GRIK4: variants seen among roughly 807,000 people sequenced by gnomAD.
GRIK4 encodes glutamate receptor ionotropic, kainate 4.
A neutral mutation model predicts 104.9 loss-of-function variants in GRIK4; 40 were observed. That is an observed-to-expected ratio of 0.38 (90% CI 0.30 to 0.50). GRIK4 has a LOEUF of 0.50. Among genes scored for constraint, GRIK4 ranks in the 20% least tolerant of loss-of-function variants. The probability of loss-of-function intolerance (pLI) is 0.93; values close to 1 mark genes in which losing one functional copy is unlikely to be tolerated. For missense variants in GRIK4, 1,047 were observed against 1,308.1 expected, an observed-to-expected ratio of 0.80 and a Z score of 3.08; for synonymous variants, 485 against 524.9, an observed-to-expected ratio of 0.92 and a Z score of 1.04.
intron 3 of GRIK4, among the ~76,000 whole-genome samples, chr11:120,750,192 G>T (rs1295549118): frequency 6.6e-6 from 1 of 152,022 alleles, no homozygotes; most frequent in African/African-American, 2.4e-5. Context: ...GAAAGAGGGG[G>T]TGTTAAGCCT....
intron 3 of GRIK4, among the ~76,000 whole-genome samples, chr11:120,738,915 C>T (rs1184012813): frequency 6.6e-6 from 1 of 152,222 alleles, no homozygotes; most frequent in Non-Finnish European, 1.5e-5. Flanking sequence ...TTTGGAGACG[C>T]AGCCGGTAGG....
intron 5 of GRIK4, 77 bp downstream of exon 5, chr11:120,815,552 A>C: frequency 6.2e-6 from 5 of 806,276 alleles, no homozygotes; most frequent in Non-Finnish European, 7.7e-6. Flanking sequence ...GTTGATTCTC[A>C]AGGGCTGGAA....
chr11:120,820,061 G>A, intron 6 of GRIK4, 141 bp downstream of exon 6: 1 of 707,802 alleles, frequency 1.4e-6, no homozygotes, highest in South Asian at 1.7e-5. Flanking sequence ...ATGGGTTTGG[G>A]CATTCCCATG....
intron 3 of GRIK4, among the ~76,000 whole-genome samples, chr11:120,684,662 C>T (rs1202585144): frequency 2.0e-5 from 3 of 152,046 alleles, no homozygotes; most frequent in African/African-American, 7.2e-5. Context: ...TCAAGGAAAG[C>T]TTTTCTGTGC....
At chr11:120,858,977 G>A (rs943679021) in intron 8 of GRIK4, 1 of 152,162 alleles carries the variant, frequency 6.6e-6, no homozygotes. Context: ...AATTATCAAG[G>A]AAGCTTCTGG....
intron 7 of GRIK4, among the ~76,000 whole-genome samples, chr11:120,835,412 C>T (rs532481376): frequency 7.5e-4 from 114 of 152,312 alleles, no homozygotes; most frequent in Non-Finnish European, 1.3e-3. Context: ...CCTGTAATTT[C>T]AGCTACCTGG....
At chr11:120,957,660 T>C (rs150793822) in intron 16 of GRIK4, among the ~76,000 whole-genome samples, 2 of 135,834 alleles carry the variant, frequency 1.5e-5, no homozygotes, top group East Asian at 4.7e-4. Flanking sequence ...AACACAACTT[T>C]TTGATCCTCT....
intron 1 of GRIK4, among the ~76,000 whole-genome samples, chr11:120,630,946 C>T (rs866720840): frequency 2.0e-5 from 3 of 152,126 alleles, no homozygotes; most frequent in Admixed American, 6.5e-5. Context: ...GCACTCCAGC[C>T]GAGCGGTTAA....
At chr11:120,697,402 G>A (rs1044354222) in intron 3 of GRIK4, among the ~76,000 whole-genome samples, 2 of 152,148 alleles carry the variant, frequency 1.3e-5, no homozygotes, top group East Asian at 1.9e-4. Context: ...GATCACCTGA[G>A]GTCAGGAGTT....
At chr11:120,821,329 A>C (rs1376843120) in intron 6 of GRIK4, among the ~76,000 whole-genome samples, 3 of 152,166 alleles carry the variant, frequency 2.0e-5, no homozygotes, top group Non-Finnish European at 2.9e-5. Context: ...TTAGAAAAGG[A>C]GGGAAAGAGA....
chr11:120,802,956 C>G, intron 4 of GRIK4, 99 bp downstream of exon 4: 1 of 1,030,520 alleles, frequency 9.7e-7, no homozygotes, highest in South Asian at 1.5e-5. Context: ...TCTGAGATAT[C>G]TGATGTCGAT....
chr11:120,964,780 T>C (rs967045303), intron 18 of GRIK4, among the ~76,000 whole-genome samples: 11 of 152,200 alleles, frequency 7.2e-5, no homozygotes, highest in African/African-American at 2.4e-4. Flanking sequence ...CCCTGCAAGA[T>C]AGATGTGGTT....
At chr11:120,634,212 G>T (rs78415916) in intron 1 of GRIK4, among the ~76,000 whole-genome samples, 288 of 152,252 alleles carry the variant, frequency 1.9e-3, no homozygotes, top group African/African-American at 6.5e-3. Flanking sequence ...GGGGGCCTCT[G>T]GTGCCCTGTG....
intron 1 of GRIK4, among the ~76,000 whole-genome samples, chr11:120,553,569 TG>T (rs1948159395): frequency 6.6e-6 from 1 of 152,172 alleles, no homozygotes; most frequent in Non-Finnish European, 1.5e-5. Context: ...AATGAGAAAC[TG>T]GTTCATTTTC....
intron 6 of GRIK4, among the ~76,000 whole-genome samples, chr11:120,820,335 T>C (rs1277898742): frequency 6.6e-6 from 1 of 152,144 alleles, no homozygotes; most frequent in Non-Finnish European, 1.5e-5. Flanking sequence ...AGAGGGAACA[T>C]ATAAAATTGG....
In GRIK4 at chr11:120,588,889, C is replaced by T. The variant is rs533348496; in HGVS notation, c.-158-64796C>T. On this transcript the variant is annotated intron_variant, in intron 1 of 20. Transcript: ENST00000527524. ...CAAGGTGTCTCCAGTTGAGAACTGTCGGTATAGGGGGTAGAGCTAAGAGTG... is the reference window on the plus strand; with the variant it reads ...CAAGGTGTCTCCAGTTGAGAACTGTTGGTATAGGGGGTAGAGCTAAGAGTG... 7.2e-5 allele frequency among the ~76,000 whole-genome samples: 11 copies of T among 152,142 alleles called. No individual in the cohort carries two copies. In the South Asian group the frequency reaches 1.7e-3, roughly 23 times the overall value.
intron 16 of GRIK4, among the ~76,000 whole-genome samples, chr11:120,958,501 G>A (rs1288777160): frequency 6.6e-6 from 1 of 152,264 alleles, no homozygotes; most frequent in Non-Finnish European, 1.5e-5. Flanking sequence ...CCATGGAGGA[G>A]TGGGAGGTCA....
intron 13 of GRIK4, among the ~76,000 whole-genome samples, chr11:120,918,589 C>T (rs761194810): frequency 5.3e-5 from 8 of 152,098 alleles, no homozygotes; most frequent in Non-Finnish European, 1.0e-4. Flanking sequence ...ATCTACTTGT[C>T]GATTTTTTTC....
At chr11:120,637,851 A>T (rs1949418300) in intron 1 of GRIK4, among the ~76,000 whole-genome samples, 1 of 151,956 alleles carries the variant, frequency 6.6e-6, no homozygotes, top group Non-Finnish European at 1.5e-5. Flanking sequence ...GAGTGATGGC[A>T]TCTAAGCCCT....
Sources: gnomAD v4.1 joint callset for allele counts (sites outside exome capture counted in the v4.1 genomes callset) on GRCh38, gnomAD v4.1.1 for gene constraint, MANE v1.5 for transcripts, NCBI Gene and HGNC (gene_info 2026-07-23, HGNC 2026-07-21) for gene names.